Variants in ICA1 observed in about 807,000 individuals in gnomAD.
ICA1 encodes islet cell autoantigen 1, also known as 69 kDa islet cell autoantigen.
In ICA1, 40 loss-of-function variants were observed where a neutral mutation model predicts 71.0. The observed-to-expected ratio is 0.56, with a 90% CI of 0.44 to 0.73. The LOEUF (loss-of-function observed/expected upper bound fraction) is 0.73. Among genes scored for constraint, ICA1 ranks in the 30% least tolerant of loss-of-function variants. The pLI is 0.00. For synonymous variants in ICA1, 207 were observed against 209.5 expected, an observed-to-expected ratio of 0.99 and a Z score of 0.10; for missense variants, 578 against 576.5, an observed-to-expected ratio of 1.00 and a Z score of -0.03.
chr7:8,135,305 G>C (rs1793023511), intron 12 of ICA1, among the ~76,000 whole-genome samples: 2 of 152,096 alleles, frequency 1.3e-5, no homozygotes, highest in South Asian at 4.1e-4. Context: ...GGGATTACAA[G>C]TGTGAGCCAC....
chr7:8,170,270 T>C (rs1807815575), intron 6 of ICA1, among the ~76,000 whole-genome samples: 1 of 152,074 alleles, frequency 6.6e-6, no homozygotes, highest in Non-Finnish European at 1.5e-5. Context: ...CTTGAAATCA[T>C]GTAGTATAAA....
chr7:8,216,285 G>T (rs1462334467), intron 6 of ICA1, among the ~76,000 whole-genome samples: 1 of 152,134 alleles, frequency 6.6e-6, no homozygotes, highest in South Asian at 2.1e-4. Flanking sequence ...CATGGTTTCT[G>T]TCCTTGTGGA....
intron 1 of ICA1, among the ~76,000 whole-genome samples, chr7:8,246,504 T>C (rs1471524643): frequency 6.6e-6 from 1 of 152,204 alleles, no homozygotes; most frequent in Non-Finnish European, 1.5e-5. Flanking sequence ...ACCTTCTTCT[T>C]AGGTGACACT....
intron 8 of ICA1, among the ~76,000 whole-genome samples, chr7:8,146,737 G>A (rs1194579385): frequency 4.0e-4 from 8 of 20,068 alleles, no homozygotes; most frequent in East Asian, 5.0e-3. Context: ...GTGTGTGTGC[G>A]TGTGCGTGTG....
rs1248925640 is a variant in ICA1, at chr7:8,218,287, C to T, written c.579+18G>A. 8 of 1,611,980 alleles carry T rather than the reference C, an allele frequency of 5.0e-6. No individual in the cohort carries two copies. The Admixed American group carries it at 6.7e-5, about 13-fold the overall frequency. ...TCCAGCAGGTACCCCTTCTGCTAAC[C>T]CTCATAAAACCTCCTACCTTCCTGA... is the stretch of plus-strand genomic sequence containing the variant. On this transcript the variant is annotated intron_variant, in intron 6 of 13. Transcript: ENST00000402384.
intron 3 of ICA1, among the ~76,000 whole-genome samples, chr7:8,228,906 C>T (rs928760018): frequency 9.9e-5 from 15 of 152,112 alleles, no homozygotes; most frequent in African/African-American, 3.6e-4. Context: ...TTAAGATCTG[C>T]AGAACAGTTA....
Position 8,130,022 on chromosome 7 carries a change from AAGGACATG to A in ICA1, c.1061-1888_1061-1881del, listed in dbSNP as rs1790853372. On this transcript the variant is annotated intron_variant, in intron 12 of 13. Transcript: ENST00000402384. The surrounding 1 kb of genome is among the most constrained non-coding windows in gnomAD (Gnocchi z 4.2). ...TTCCAGCTTCATCCATGTCCCTACA[AAGGACATG>A]AACTCATCCTTTTTTATGGCTGCAT... is the stretch of plus-strand genomic sequence containing the variant. Among the ~76,000 whole-genome samples, 1 of 152,036 alleles carries A rather than the reference AAGGACATG, an allele frequency of 6.6e-6. No homozygotes were observed. The highest frequency in any genetic ancestry group is 1.5e-5 in the Non-Finnish European group (1 of 67,996).
rs773504776 is a variant in ICA1, at chr7:8,221,265, G to A, written c.380+10C>T. 6 of 1,613,188 alleles carry A rather than the reference G, an allele frequency of 3.7e-6. No individual in the cohort carries two copies. Among genetic ancestry groups the A allele is most frequent in the South Asian group, 1.1e-5 (1 of 91,058 alleles). ...TCCCCCCAGATAGAACCCCACTAAAGGCCACACACCTTTGCTGGGAAGAAA... is the reference window on the plus strand; with the variant it reads ...TCCCCCCAGATAGAACCCCACTAAAAGCCACACACCTTTGCTGGGAAGAAA... On this transcript the variant is annotated intron_variant, in intron 5 of 13. Coordinates refer to ENST00000402384, the MANE Select transcript of ICA1 (RefSeq NM_001136020.3).
chr7:8,225,929 G>A (rs1409209474), intron 4 of ICA1, among the ~76,000 whole-genome samples: 1 of 152,158 alleles, frequency 6.6e-6, no homozygotes, highest in Non-Finnish European at 1.5e-5. Flanking sequence ...ACCAATGAGA[G>A]TACGGCTTCC....
At position 8,158,604 on chromosome 7, in the gene ICA1, T is replaced by C; in HGVS notation, c.628A>G (p.Met210Val). Residue 210 changes from methionine (M) to valine (V), a missense_variant, in exon 7 of 14, where the codon ATG becomes GTG. Transcript: ENST00000402384. ...AGATCCACTTTTTGACAAACATCCA[T>C]CTTCAATTTGTCAAAGTTTTTTTTT... Reference protein sequence around the residue: ...LAKKNFDKLKMDVCQKVDLLG... With the variant: ...LAKKNFDKLKVDVCQKVDLLG... The C allele has an allele frequency of 6.2e-7, 1 of 1,614,130 alleles. No individual in the cohort carries two copies. The highest frequency in any genetic ancestry group is 1.1e-5 in the South Asian group (1 of 91,080).
intron 13 of ICA1, chr7:8,116,448 G>A (rs1281116309): frequency 6.6e-6 from 1 of 152,162 alleles, no homozygotes; most frequent in Non-Finnish European, 1.5e-5. Flanking sequence ...TCCTCATACT[G>A]GAATACATTT....
At chr7:8,128,196 G>C (rs1441578814) in intron 12 of ICA1, 54 bp from the exon 13 acceptor site, 16 of 1,570,652 alleles carry the variant, frequency 1.0e-5, no homozygotes, top group Non-Finnish European at 1.4e-5. Flanking sequence ...AAGCCCTCAG[G>C]AATCAATGCT....
chr7:8,116,839 T>G (rs1157060811), intron 13 of ICA1, among the ~76,000 whole-genome samples: 1 of 152,222 alleles, frequency 6.6e-6, no homozygotes, highest in Non-Finnish European at 1.5e-5. Flanking sequence ...TAAATAACAG[T>G]CCAGTCCAAA....
intron 1 of ICA1, among the ~76,000 whole-genome samples, chr7:8,248,173 T>G (rs1806781086): frequency 6.6e-6 from 1 of 152,198 alleles, no homozygotes; most frequent in Admixed American, 6.5e-5. Flanking sequence ...AGTGGTAGAA[T>G]TTTTCTCTTC....
At chr7:8,250,318 G>A (rs1236818212) in intron 1 of ICA1, among the ~76,000 whole-genome samples, 1 of 152,072 alleles carries the variant, frequency 6.6e-6, no homozygotes. Context: ...ATTCCTCCAG[G>A]CATAATTAAC....
intron 6 of ICA1, among the ~76,000 whole-genome samples, chr7:8,167,154 C>A (rs1019044543): frequency 2.6e-5 from 4 of 152,154 alleles, no homozygotes; most frequent in Non-Finnish European, 5.9e-5. Context: ...AATCATTCTA[C>A]CATAAAGACA....
chr7:8,118,281 G>A (rs1343056940), intron 13 of ICA1, among the ~76,000 whole-genome samples: 1 of 152,168 alleles, frequency 6.6e-6, no homozygotes, highest in Non-Finnish European at 1.5e-5. Flanking sequence ...GAAAAAATAC[G>A]AAGAGTTCTA....
chr7:8,221,522 A>C (rs747811098), intron 4 of ICA1, 124 bp from the exon 5 acceptor site: 1 of 1,101,956 alleles, frequency 9.1e-7, no homozygotes. Context: ...ATTAAATCTA[A>C]GCGGCAGGCT....
intron 4 of ICA1, among the ~76,000 whole-genome samples, chr7:8,227,150 AG>A (rs2128445082): frequency 6.6e-6 from 1 of 152,334 alleles, no homozygotes; most frequent in East Asian, 1.9e-4. Context: ...TGGTGGGTAT[AG>A]TAAGAAGGAG....
Sources: allele counts gnomAD v4.1 joint callset (sites outside exome capture counted in the v4.1 genomes callset), GRCh38; gene constraint gnomAD v4.1.1; non-coding constraint Gnocchi (gnomAD v3.1); transcripts MANE v1.5; gene names NCBI Gene and HGNC (gene_info 2026-07-23, HGNC 2026-07-21).